SLC39A11: variants seen among roughly 807,000 people sequenced by gnomAD.
SLC39A11 encodes zinc transporter ZIP11.
In SLC39A11, 33 loss-of-function variants were observed where a neutral mutation model predicts 36.1. The observed-to-expected ratio is 0.91, with a 90% CI of 0.69 to 1.22. The LOEUF is 1.22. Ranked by LOEUF, SLC39A11 falls within the 50% of genes most tolerant of loss-of-function variation. The pLI is 0.00. For synonymous variants in SLC39A11, 166 were observed against 170.3 expected, an observed-to-expected ratio of 0.97 and a Z score of 0.20; for missense variants, 432 against 430.3, an observed-to-expected ratio of 1.00 and a Z score of -0.03.
At position 73,031,724 on chromosome 17, in the gene SLC39A11, C is replaced by A; in HGVS notation, c.148-10G>T. ...AAGCTGCCAACATGACCTACAAAAA[C>A]CACAACGAGAGATAAACGTTAAAGC... On this transcript the variant is annotated splice_polypyrimidine_tract_variant and intron_variant, in intron 3 of 9. Coordinates refer to ENST00000255559, the MANE Select transcript of SLC39A11 (RefSeq NM_139177.4). 3.1e-6 allele frequency: 5 copies of A among 1,612,748 alleles called. No homozygotes were observed. The highest frequency in any genetic ancestry group is 1.1e-5 in the South Asian group (1 of 91,008).
At chr17:73,004,842 T>C (rs894784934) in intron 4 of SLC39A11, among the ~76,000 whole-genome samples, 65 of 152,086 alleles carry the variant, frequency 4.3e-4, no homozygotes, top group Non-Finnish European at 4.7e-4. Context: ...TTGGGAATAT[T>C]GGAAGGAAAG....
At chr17:72,809,179 G>A (rs1220590629) in intron 6 of SLC39A11, among the ~76,000 whole-genome samples, 1 of 145,116 alleles carries the variant, frequency 6.9e-6, no homozygotes, top group Non-Finnish European at 1.5e-5. Flanking sequence ...TTTCGGCTTA[G>A]ATCATCTTCT....
intron 7 of SLC39A11, among the ~76,000 whole-genome samples, chr17:72,723,054 G>C (rs1414618551): frequency 6.6e-6 from 1 of 152,162 alleles, no homozygotes; most frequent in African/African-American, 2.4e-5. Flanking sequence ...TCGTTTGTCA[G>C]TCTTTACATA....
chr17:72,942,601 T>C (rs117739640), intron 5 of SLC39A11, among the ~76,000 whole-genome samples: 2 of 152,296 alleles, frequency 1.3e-5, no homozygotes, highest in East Asian at 3.9e-4. Context: ...AAGGAACATG[T>C]CCTTCAGGAA....
chr17:72,718,893 T>G (rs564724446), intron 7 of SLC39A11, among the ~76,000 whole-genome samples: 1 of 152,056 alleles, frequency 6.6e-6, no homozygotes, highest in East Asian at 1.9e-4. Flanking sequence ...GCCTCCCAAG[T>G]AGCTGAGATT....
chr17:72,877,525 G>T (rs1041646752), intron 5 of SLC39A11, among the ~76,000 whole-genome samples: 1 of 152,184 alleles, frequency 6.6e-6, no homozygotes, highest in Non-Finnish European at 1.5e-5. Flanking sequence ...CACGATGCTT[G>T]ATTGAAACCT....
In SLC39A11 at chr17:73,077,665, A is replaced by G. The variant is rs78927678; in HGVS notation, c.147+7143T>C. On this transcript the variant is annotated intron_variant, in intron 3 of 9. Transcript: ENST00000255559. ...TAGAAAAGTAAATCATTTCTTTCTG[A>G]TAAATACACACACATAATCTTTAGA... Among the ~76,000 whole-genome samples, 1,125 of 152,294 alleles carry G rather than the reference A, an allele frequency of 7.4e-3. 6 individuals are homozygous for G. The highest frequency in any genetic ancestry group is 0.026 in the African/African-American group (1,061 of 41,564).
chr17:72,737,059 T>C (rs926736968), intron 6 of SLC39A11, among the ~76,000 whole-genome samples: 4 of 141,724 alleles, frequency 2.8e-5, no homozygotes, highest in Non-Finnish European at 4.8e-5. Context: ...GCAGATCACC[T>C]GAGGTCAGGA....
intron 7 of SLC39A11, among the ~76,000 whole-genome samples, chr17:72,704,686 T>C (rs888106595): frequency 2.0e-5 from 3 of 149,700 alleles, no homozygotes; most frequent in Admixed American, 6.8e-5. Flanking sequence ...AGGTCCCCTC[T>C]CATACCTTAG....
intron 5 of SLC39A11, among the ~76,000 whole-genome samples, chr17:72,868,826 TTCAG>T (rs1360102255): frequency 1.3e-5 from 2 of 151,528 alleles, no homozygotes; most frequent in East Asian, 1.9e-4. Context: ...AAAAAAAATC[TTCAG>T]TAAGTATTAT....
chr17:73,019,110 AT>A (rs542711591), intron 4 of SLC39A11, among the ~76,000 whole-genome samples: 1 of 152,320 alleles, frequency 6.6e-6, no homozygotes, highest in African/African-American at 2.4e-5. Flanking sequence ...TGAAGGCAAA[AT>A]AAAAATGTAT....
chr17:72,748,512 GAAA>G (rs1243832298), intron 6 of SLC39A11, among the ~76,000 whole-genome samples: 2 of 152,158 alleles, frequency 1.3e-5, no homozygotes, highest in Non-Finnish European at 2.9e-5. Context: ...GACAGACCCA[GAAA>G]ATGCTATTCT....
chr17:72,805,911 G>A (rs1568122925), intron 6 of SLC39A11, among the ~76,000 whole-genome samples: 1 of 151,988 alleles, frequency 6.6e-6, no homozygotes, highest in Non-Finnish European at 1.5e-5. Flanking sequence ...ACCATGCCCA[G>A]CTAATTTTTT....
At chr17:73,080,927 AGAGT>A (rs1390239137) in intron 3 of SLC39A11, among the ~76,000 whole-genome samples, 2 of 151,708 alleles carry the variant, frequency 1.3e-5, no homozygotes, top group Non-Finnish European at 2.9e-5. Flanking sequence ...CCTGGGCGAC[AGAGT>A]GAGGCTCCAT....
At chr17:72,867,760 GCA>G (rs887444124) in intron 5 of SLC39A11, among the ~76,000 whole-genome samples, 8,096 of 80,060 alleles carry the variant, frequency 0.1, 466 homozygotes, top group African/African-American at 0.34. Flanking sequence ...AAGTGCGCGC[GCA>G]CACACACACA....
At chr17:72,937,446 G>C (rs1262168260) in intron 5 of SLC39A11, among the ~76,000 whole-genome samples, 1 of 149,382 alleles carries the variant, frequency 6.7e-6, no homozygotes, top group Non-Finnish European at 1.5e-5. Flanking sequence ...CAGAGAGAGA[G>C]AGTCCGTCTA....
intron 7 of SLC39A11, among the ~76,000 whole-genome samples, chr17:72,657,603 T>C (rs1006312362): frequency 3.9e-5 from 6 of 152,102 alleles, no homozygotes; most frequent in Admixed American, 2.0e-4. Context: ...TGCCCAACCA[T>C]TCCGGTTCAC....
intron 7 of SLC39A11, among the ~76,000 whole-genome samples, chr17:72,687,010 C>CT (rs960860668): frequency 6.6e-6 from 1 of 151,914 alleles, no homozygotes; most frequent in African/African-American, 2.4e-5. Context: ...AAATAAAGTC[C>CT]TTTTTTTTAA....
chr17:72,676,447 A>C (rs1381855988), intron 7 of SLC39A11, among the ~76,000 whole-genome samples: 1 of 152,104 alleles, frequency 6.6e-6, no homozygotes, highest in Non-Finnish European at 1.5e-5. Flanking sequence ...GGTACCTGGG[A>C]AGTAGATGAA....
Sources: allele counts gnomAD v4.1 joint callset (sites outside exome capture counted in the v4.1 genomes callset), GRCh38; gene constraint gnomAD v4.1.1; transcripts MANE v1.5; gene names NCBI Gene and HGNC (gene_info 2026-07-23, HGNC 2026-07-21).